Variants in SLC44A5 observed in about 807,000 individuals in gnomAD.
SLC44A5 encodes solute carrier family 44 member 5, also known as choline transporter-like protein 5.
In SLC44A5, 57 loss-of-function variants were observed where a neutral mutation model predicts 101.8. The observed-to-expected ratio is 0.56, with a 90% CI of 0.45 to 0.70. SLC44A5 has a LOEUF of 0.70. Ranked by LOEUF, SLC44A5 falls within the 30% of genes least tolerant of loss-of-function variation. The probability of loss-of-function intolerance (pLI) is 0.00; values close to 1 mark genes in which losing one functional copy is unlikely to be tolerated. For missense variants in SLC44A5, 737 were observed against 853.1 expected, an observed-to-expected ratio of 0.86 and a Z score of 1.70; for synonymous variants, 281 against 290.9, an observed-to-expected ratio of 0.97 and a Z score of 0.35.
At chr1:75,504,795 C>T (rs972009213) in intron 2 of SLC44A5, among the ~76,000 whole-genome samples, 14 of 151,914 alleles carry the variant, frequency 9.2e-5, no homozygotes, top group African/African-American at 9.7e-5. Flanking sequence ...AGGGAAATAC[C>T]GCTCTATCCC....
intron 3 of SLC44A5, among the ~76,000 whole-genome samples, chr1:75,386,742 G>T (rs897574283): frequency 6.6e-6 from 1 of 150,952 alleles, no homozygotes; most frequent in Non-Finnish European, 1.5e-5. Flanking sequence ...AAAAGAGCCC[G>T]CATCGCCAAG....
chr1:75,629,957 A>T, the SLC44A5 span, among the ~76,000 whole-genome samples: 1 of 152,220 alleles, frequency 6.6e-6, no homozygotes. Flanking sequence ...TCTCCATTGA[A>T]TATAATTTCA....
At chr1:75,396,073 G>A (rs1570130749) in intron 3 of SLC44A5, among the ~76,000 whole-genome samples, 1 of 152,108 alleles carries the variant, frequency 6.6e-6, no homozygotes, top group Admixed American at 6.6e-5. Flanking sequence ...GACTTGAGAT[G>A]CTGAATTTCC....
intron 5 of SLC44A5, among the ~76,000 whole-genome samples, chr1:75,292,660 G>A (rs1010386845): frequency 1.4e-4 from 22 of 152,186 alleles, no homozygotes; most frequent in Non-Finnish European, 3.2e-4. Context: ...ATAATAGATT[G>A]TTGATGATCT....
intron 1 of SLC44A5, among the ~76,000 whole-genome samples, chr1:75,608,629 C>A (rs1207156338): frequency 6.6e-6 from 1 of 151,974 alleles, no homozygotes; most frequent in Non-Finnish European, 1.5e-5. Flanking sequence ...CTTCCCTCAT[C>A]TTTCTGACTT....
At chr1:75,686,763 T>C in the SLC44A5 span, among the ~76,000 whole-genome samples, 1 of 152,224 alleles carries the variant, frequency 6.6e-6, no homozygotes, top group African/African-American at 2.4e-5. Context: ...GAAGAGATGA[T>C]GGTTGCTAGG....
chr1:75,509,557 G>A (rs992515759), intron 2 of SLC44A5, among the ~76,000 whole-genome samples: 4 of 152,194 alleles, frequency 2.6e-5, no homozygotes, highest in Admixed American at 6.5e-5. Context: ...AAGATACCCA[G>A]TAATTTATAG....
chr1:75,610,979 T>A, intron 1 of SLC44A5, 61 bp downstream of exon 1: 11 of 704,206 alleles, frequency 1.6e-5, no homozygotes, highest in Non-Finnish European at 1.7e-5. Flanking sequence ...TACTTATGAA[T>A]AACAAACTTG....
At chr1:75,532,700 T>A (rs1474515754) in intron 2 of SLC44A5, among the ~76,000 whole-genome samples, 1 of 152,182 alleles carries the variant, frequency 6.6e-6, no homozygotes, top group African/African-American at 2.4e-5. Flanking sequence ...AAGAGCTGTA[T>A]CCCCAGTGTT....
intron 3 of SLC44A5, among the ~76,000 whole-genome samples, chr1:75,387,113 G>C (rs999203971): frequency 2.6e-5 from 4 of 152,256 alleles, no homozygotes; most frequent in East Asian, 3.9e-4. Flanking sequence ...AATCCTAGAA[G>C]AAAACCTAGG....
chr1:75,620,191 C>T, the SLC44A5 span, among the ~76,000 whole-genome samples: 1 of 152,136 alleles, frequency 6.6e-6, no homozygotes, highest in African/African-American at 2.4e-5. Flanking sequence ...CACAGTATTC[C>T]ATGGTGTATA....
intron 2 of SLC44A5, among the ~76,000 whole-genome samples, chr1:75,482,441 A>T (rs2101781827): frequency 6.6e-6 from 1 of 152,196 alleles, no homozygotes; most frequent in Admixed American, 6.5e-5. Context: ...TAAAAAATAA[A>T]AAAAAAGAAT....
At chr1:75,337,161 T>TTTTTTTTTTTTTTTTTTTTGAGACGG (rs1657508772) in intron 4 of SLC44A5, among the ~76,000 whole-genome samples, 1 of 152,100 alleles carries the variant, frequency 6.6e-6, no homozygotes, top group Non-Finnish European at 1.5e-5. Flanking sequence ...CCCTGGATTC[T>TTTTTTTTTTTTTTTTTTTTGAGACGG]ATGTCACACT....
At chr1:75,703,302 C>T in the SLC44A5 span, among the ~76,000 whole-genome samples, 2 of 152,160 alleles carry the variant, frequency 1.3e-5, no homozygotes, top group African/African-American at 4.8e-5. Flanking sequence ...AAATGTGGCA[C>T]ATATACACCA....
At chr1:75,634,744 T>C in the SLC44A5 span, among the ~76,000 whole-genome samples, 1 of 151,644 alleles carries the variant, frequency 6.6e-6, no homozygotes, top group Non-Finnish European at 1.5e-5. Flanking sequence ...ATTCAGGACA[T>C]AGGCATGGGC....
At chr1:75,412,832 C>T (rs1557759259) in intron 2 of SLC44A5, among the ~76,000 whole-genome samples, 1 of 152,152 alleles carries the variant, frequency 6.6e-6, no homozygotes, top group Non-Finnish European at 1.5e-5. Context: ...GCAACCCACT[C>T]ATTAGTCATC....
At chr1:75,715,798 G>A in the SLC44A5 span, among the ~76,000 whole-genome samples, 1 of 152,016 alleles carries the variant, frequency 6.6e-6, no homozygotes, top group Admixed American at 6.6e-5. Flanking sequence ...TGACAAATAG[G>A]ACCCAATTAA....
intron 2 of SLC44A5, chr1:75,521,935 C>T (rs1296020224): frequency 1.3e-5 from 2 of 152,406 alleles, no homozygotes; most frequent in East Asian, 3.8e-4. Flanking sequence ...CTTTTCTGGT[C>T]TTTGGGTTTC....
At chr1:75,678,514 C>T in the SLC44A5 span, among the ~76,000 whole-genome samples, 1 of 150,794 alleles carries the variant, frequency 6.6e-6, no homozygotes, top group Non-Finnish European at 1.5e-5. Flanking sequence ...TGACACCTCA[C>T]ACTGCAGGGT....
Sources: allele counts gnomAD v4.1 joint callset (sites outside exome capture counted in the v4.1 genomes callset), GRCh38; gene constraint gnomAD v4.1.1; transcripts MANE v1.5; gene names NCBI Gene and HGNC (gene_info 2026-07-23, HGNC 2026-07-21).